The following RSRC1 variants were observed in gnomAD, a reference collection of about 807,000 sequenced individuals.
The protein encoded by RSRC1 is serine/Arginine-related protein 53.
RSRC1 carries 39 observed loss-of-function variants against 49.1 expected under a neutral mutation model. The ratio of observed to expected loss-of-function variants is 0.79; its 90% CI spans 0.61 to 1.04. The LOEUF is 1.04. Ranked by LOEUF, RSRC1 falls within the 50% of genes least tolerant of loss-of-function variation. RSRC1 has a pLI of 0.00. For synonymous variants in RSRC1, 143 were observed against 130.8 expected, an observed-to-expected ratio of 1.09 and a Z score of -0.63; for missense variants, 388 against 402.4, an observed-to-expected ratio of 0.96 and a Z score of 0.31.
chr3:158,246,482 T>C (rs1723907986), intron 4 of RSRC1, among the ~76,000 whole-genome samples: 1 of 152,166 alleles, frequency 6.6e-6, no homozygotes, highest in African/African-American at 2.4e-5. Flanking sequence ...CTTGTTTTTA[T>C]GGTTACTTAA....
intron 1 of RSRC1, among the ~76,000 whole-genome samples, chr3:158,112,880 G>T (rs1300822906): frequency 2.0e-5 from 3 of 152,070 alleles, no homozygotes; most frequent in African/African-American, 4.8e-5. Flanking sequence ...CCACTTATGA[G>T]TGAGAATATG....
At chr3:158,426,655 A>T (rs905609746) in intron 6 of RSRC1, among the ~76,000 whole-genome samples, 9 of 151,616 alleles carry the variant, frequency 5.9e-5, no homozygotes, top group African/African-American at 1.2e-4. Context: ...TATCCTTTTT[A>T]AAAAAAATTG....
rs377602448 is a variant in RSRC1, at chr3:158,159,953, G to A, written c.320+35962G>A. Among the ~76,000 whole-genome samples, 78 of 152,166 alleles carry A rather than the reference G, an allele frequency of 5.1e-4. 6 individuals are homozygous for A. The East Asian group carries it at 6.2e-3, about 12-fold the overall frequency. ...TGTGCGTGTGTGTGAGTGTTTGATC[G>A]CTTCAGTCCTATGAAGCTTTTATCT... On this transcript the variant is annotated intron_variant, in intron 3 of 9. Coordinates refer to ENST00000611884, the MANE Select transcript of RSRC1 (RefSeq NM_001271838.2).
At chr3:158,286,132 A>C (rs1264611849) in intron 4 of RSRC1, among the ~76,000 whole-genome samples, 1 of 152,196 alleles carries the variant, frequency 6.6e-6, no homozygotes, top group Non-Finnish European at 1.5e-5. Context: ...GCTAGTGTTT[A>C]TTTTTACTTA....
intron 7 of RSRC1, among the ~76,000 whole-genome samples, chr3:158,529,214 G>GTGTGTGTATATATATATATATATATA (rs374368016): frequency 2.8e-5 from 4 of 143,122 alleles, no homozygotes; most frequent in African/African-American, 1.1e-4. Flanking sequence ...ATGTGTGTGT[G>GTGTGTGTATATATATATATATATATA]TATATATATA....
At position 158,543,359 on chromosome 3, in the gene RSRC1, C is replaced by A. The variant is rs1713145437; in HGVS notation, c.784C>A (p.Gln262Lys). 12 of 1,589,676 alleles carry A rather than the reference C, an allele frequency of 7.5e-6. No homozygotes were observed. The highest frequency in any genetic ancestry group is 1.4e-5 in the African/African-American group (1 of 73,580). ...GTCAGTGGAACCTAGTGAAGTGAAA[C>A]AAGCAACTTCAACATCAGGACCAGC... Reference protein sequence around the residue: ...KKSVEPSEVKQATSTSGPASA... With the variant: ...KKSVEPSEVKKATSTSGPASA... The change falls in exon 9 of 10, where the codon CAA becomes AAA. Residue 262 changes from glutamine (Q) to lysine (K), a missense_variant. Coordinates refer to ENST00000611884, the MANE Select transcript of RSRC1 (RefSeq NM_001271838.2).
chr3:158,320,563 T>C (rs1728702704), intron 5 of RSRC1, among the ~76,000 whole-genome samples: 1 of 152,222 alleles, frequency 6.6e-6, no homozygotes, highest in Non-Finnish European at 1.5e-5. Flanking sequence ...TTATAAATTA[T>C]CTTGGCCTCA....
chr3:158,168,059 A>AC (rs11374960), intron 3 of RSRC1, among the ~76,000 whole-genome samples: 95,757 of 151,904 alleles, frequency 0.63, 30,800 homozygotes, highest in African/African-American at 0.73. Flanking sequence ...TAACTGTTTT[A>AC]TGCCTGTTTT....
intron 3 of RSRC1, among the ~76,000 whole-genome samples, chr3:158,125,114 C>T (rs762304062): frequency 3.3e-5 from 5 of 151,962 alleles, no homozygotes; most frequent in East Asian, 1.9e-4. Flanking sequence ...CTACCTTGCC[C>T]GGCCTCATTT....
At chr3:158,176,031 T>G (rs1719192706) in intron 3 of RSRC1, among the ~76,000 whole-genome samples, 1 of 152,170 alleles carries the variant, frequency 6.6e-6, no homozygotes. Flanking sequence ...AGCCAAATCA[T>G]GAGTGAACGT....
At chr3:158,373,022 C>T (rs1049209351) in intron 6 of RSRC1, among the ~76,000 whole-genome samples, 1 of 151,636 alleles carries the variant, frequency 6.6e-6, no homozygotes, top group South Asian at 2.1e-4. Flanking sequence ...AAATACAGTC[C>T]TATTTTGAAT....
intron 3 of RSRC1, among the ~76,000 whole-genome samples, chr3:158,177,070 T>TA (rs1294540949): frequency 6.6e-6 from 1 of 152,078 alleles, no homozygotes. Flanking sequence ...ATCAGAGAAA[T>TA]ACAAAGCAAA....
chr3:158,323,510 G>C (rs1728882987), intron 5 of RSRC1, among the ~76,000 whole-genome samples: 2 of 152,146 alleles, frequency 1.3e-5, no homozygotes, highest in Non-Finnish European at 2.9e-5. Flanking sequence ...TGTGTGAAGA[G>C]TTTTTAATCT....
intron 6 of RSRC1, among the ~76,000 whole-genome samples, chr3:158,368,385 T>C (rs562050013): frequency 1.3e-5 from 2 of 152,338 alleles, no homozygotes; most frequent in Admixed American, 1.3e-4. Context: ...AATGGTCATA[T>C]GGAGTTTCTG....
chr3:158,200,213 A>G (rs552759797), intron 3 of RSRC1, among the ~76,000 whole-genome samples: 1 of 151,568 alleles, frequency 6.6e-6, no homozygotes, highest in East Asian at 1.9e-4. Context: ...AATTTTTTGT[A>G]TTTTTTAGTA....
chr3:158,271,859 G>A (rs1725536392), intron 4 of RSRC1, among the ~76,000 whole-genome samples: 1 of 152,082 alleles, frequency 6.6e-6, no homozygotes, highest in African/African-American at 2.4e-5. Context: ...GAATATAGGT[G>A]AGTAATCTAA....
intron 5 of RSRC1, among the ~76,000 whole-genome samples, chr3:158,338,253 T>A (rs1730031040): frequency 6.6e-6 from 1 of 152,232 alleles, no homozygotes; most frequent in Non-Finnish European, 1.5e-5. Context: ...GAGAAAATGT[T>A]TGATAAAACT....
Position 158,399,123 on chromosome 3 carries a change from C to CTTTTTT in RSRC1, c.583+44259_583+44264dup. 1.1e-3 allele frequency among the ~76,000 whole-genome samples: 34 copies of CTTTTTT among 30,110 alleles called. 15 individuals are homozygous for CTTTTTT. Among genetic ancestry groups the CTTTTTT allele is most frequent in the Non-Finnish European group, 1.7e-3 (25 of 14,908 alleles). 19.8% of individuals were successfully genotyped at this position (30,110 alleles called of 152,430 possible). A position where few individuals can be genotyped will look rare whatever the true frequency, so the allele number is the denominator to read the frequency against. On this transcript the variant is annotated intron_variant, in intron 6 of 9. Coordinates refer to ENST00000611884, the MANE Select transcript of RSRC1 (RefSeq NM_001271838.2). ...GTCTTATAAGAAATACTATTATTTC[C>CTTTTTT]TTTTTTTTTTTTTTTTTTTTTTTTT...
chr3:158,133,381 A>G (rs929654846), intron 3 of RSRC1, among the ~76,000 whole-genome samples: 1 of 152,212 alleles, frequency 6.6e-6, no homozygotes, highest in Non-Finnish European at 1.5e-5. Context: ...CTTAAAAGTC[A>G]AGAAGTGAAG....
Sources: allele counts gnomAD v4.1 joint callset (sites outside exome capture counted in the v4.1 genomes callset), GRCh38; gene constraint gnomAD v4.1.1; transcripts MANE v1.5; gene names NCBI Gene and HGNC (gene_info 2026-07-23, HGNC 2026-07-21).